TGFBRAP1: variants seen among roughly 807,000 people sequenced by gnomAD.
The protein encoded by TGFBRAP1 is transforming growth factor-beta receptor-associated protein 1.
In TGFBRAP1, 20 loss-of-function variants were observed where a neutral mutation model predicts 83.2. That is an observed-to-expected ratio of 0.24 (90% CI 0.17 to 0.35). The LOEUF is 0.35. Among genes scored for constraint, TGFBRAP1 ranks in the 10% least tolerant of loss-of-function variants. The pLI, the probability that TGFBRAP1 is intolerant of heterozygous loss-of-function variation, is 1.00. For missense variants in TGFBRAP1, 950 were observed against 1,099.4 expected (o/e 0.86, Z 1.92); for synonymous variants, 415 against 459.8 (o/e 0.90, Z 1.25).
chr2:105,280,345 C>T lies in TGFBRAP1; in HGVS notation c.1463+37G>A, dbSNP rs185174474. 29 of 1,588,140 alleles carry T rather than the reference C, an allele frequency of 1.8e-5. No homozygotes were observed. The Admixed American group carries it at 3.7e-4, about 20-fold the overall frequency. On this transcript the variant is annotated intron_variant, in intron 6 of 11. Transcript: ENST00000393359. ...AAAGAGCCTCAGTAAGGGTGCAGGG[C>T]GGGAAGCCCTGATCATATCAGGAAG...
intron 1 of TGFBRAP1, among the ~76,000 whole-genome samples, chr2:105,316,464 C>A (rs7566467): frequency 1.2e-5 from 1 of 81,798 alleles, no homozygotes; most frequent in Non-Finnish European, 2.5e-5. Flanking sequence ...TGTGTGTGTG[C>A]GCGCGCGCGC....
intron 1 of TGFBRAP1, among the ~76,000 whole-genome samples, chr2:105,321,141 T>C (rs1224476767): frequency 3.3e-5 from 5 of 152,238 alleles, no homozygotes; most frequent in African/African-American, 9.6e-5. Context: ...AGTTTTTGTA[T>C]AAATACAATG....
At position 105,293,112 on chromosome 2, in the gene TGFBRAP1, C is replaced by T. The variant is rs2104363541; in HGVS notation, c.1038+3244G>A. 1.3e-5 allele frequency among the ~76,000 whole-genome samples: 2 copies of T among 152,102 alleles called. 1 individual carries two copies. The highest frequency in any genetic ancestry group is 4.2e-4 in the South Asian group (2 of 4,818). Reference sequence around the variant, plus strand: ...ATATGGGGGAATGACGACAATGGTACTGCGGTTACATTTCAAAGGGGGCAT... The same window carrying T: ...ATATGGGGGAATGACGACAATGGTATTGCGGTTACATTTCAAAGGGGGCAT... On this transcript the variant is annotated intron_variant, in intron 4 of 11. Coordinates refer to ENST00000393359, the MANE Select transcript of TGFBRAP1 (RefSeq NM_004257.6).
chr2:105,275,435 A>G lies in TGFBRAP1; in HGVS notation c.1665+125T>C. 2.8e-6 allele frequency: 4 copies of G among 1,438,440 alleles called. No homozygotes were observed. The South Asian group carries it at 4.5e-5, about 16-fold the overall frequency. The allele number at this position is 1,438,440 out of a possible 1,614,324, so 89.1% of individuals were successfully genotyped here. The stretch of plus-strand genomic sequence containing the variant: ...AGGTATTAAAAGGGGAATAATAACA[A>G]CAACAAAAAACAGAGGAGGAGGTTG... On this transcript the variant is annotated intron_variant, in intron 8 of 11. Transcript: ENST00000393359.
chr2:105,302,012 A>T, intron 2 of TGFBRAP1, among the ~76,000 whole-genome samples: 1 of 147,490 alleles, frequency 6.8e-6, no homozygotes, highest in South Asian at 2.1e-4. Context: ...AGAATACTAA[A>T]AAAAAAAAAA....
chr2:105,314,249 C>CT (rs1198445714), intron 1 of TGFBRAP1, among the ~76,000 whole-genome samples: 2,950 of 118,620 alleles, frequency 0.025, 134 homozygotes, highest in African/African-American at 0.075. Context: ...AGTACTTTCT[C>CT]TTTTTTTTTT....
intron 7 of TGFBRAP1, among the ~76,000 whole-genome samples, chr2:105,277,142 C>T (rs1452709741): frequency 6.6e-6 from 1 of 152,154 alleles, no homozygotes; most frequent in Admixed American, 6.5e-5. Flanking sequence ...CGGTTCAGAT[C>T]CCAGATCTAC....
Position 105,269,169 on chromosome 2 carries a change from C to G in TGFBRAP1, c.2406+103G>C, listed in dbSNP as rs1304369903. On this transcript the variant is annotated intron_variant, in intron 11 of 11. Transcript: ENST00000393359. This position sits in a 1 kb window ranked among gnomAD's most constrained non-coding sequence, Gnocchi z 4.1. ...TATTGATGTGTTGTAGTCATAGAGA[C>G]AGAAAAAAGAAAAACCAACAAAGAC... 2.9e-6 allele frequency: 4 copies of G among 1,377,016 alleles called. No individual in the cohort carries two copies. Among genetic ancestry groups the G allele is most frequent in the Non-Finnish European group, 2.9e-6 (3 of 1,040,072 alleles). 85.3% of individuals were successfully genotyped at this position (1,377,016 alleles called of 1,614,324 possible). A position where few individuals can be genotyped will look rare whatever the true frequency, so the allele number is the denominator to read the frequency against.
intron 7 of TGFBRAP1, 115 bp from the exon 8 acceptor site, chr2:105,275,818 C>A: frequency 9.1e-7 from 1 of 1,095,080 alleles, no homozygotes; most frequent in Middle Eastern, 2.3e-4. Context: ...CTTTTTAATA[C>A]CTTTTAAAGT....
At chr2:105,307,044 T>C (rs1308466793) in intron 2 of TGFBRAP1, among the ~76,000 whole-genome samples, 3 of 151,706 alleles carry the variant, frequency 2.0e-5, no homozygotes, top group Non-Finnish European at 4.4e-5. Flanking sequence ...AGAAATTAGG[T>C]GGGAGGAAAA....
chr2:105,266,243 G>C lies in TGFBRAP1; in HGVS notation c.*1140C>G, dbSNP rs1676928428. The C allele has an allele frequency of 1.3e-5, 2 of 152,284 alleles. No homozygotes were observed. The highest frequency in any genetic ancestry group is 2.1e-4 in the South Asian group (1 of 4,818). 9.4% of individuals were successfully genotyped at this position (152,284 alleles called of 1,614,324 possible). A position where few individuals can be genotyped will look rare whatever the true frequency, so the allele number is the denominator to read the frequency against. On this transcript the variant is annotated 3_prime_UTR_variant, in exon 12 of 12. Transcript: ENST00000393359. ...TGACACAGCCTGTCTGGATGTCCTC[G>C]GGAGGGTGTGCCATCCAGGAGGCGA...
intron 1 of TGFBRAP1, among the ~76,000 whole-genome samples, chr2:105,309,579 T>C (rs1415795541): frequency 6.6e-6 from 1 of 152,098 alleles, no homozygotes; most frequent in Non-Finnish European, 1.5e-5. Context: ...AATTCTACAA[T>C]TTTGTGTCTG....
chr2:105,260,117 G>A (rs141575037), downstream of TGFBRAP1, among the ~76,000 whole-genome samples: 1,039 of 152,310 alleles, frequency 6.8e-3, 20 homozygotes, highest in African/African-American at 0.024. Context: ...TAAAAAGGAA[G>A]AAAATTCATG....
intron 4 of TGFBRAP1, among the ~76,000 whole-genome samples, chr2:105,286,558 A>G (rs1204917589): frequency 6.6e-6 from 1 of 152,206 alleles, no homozygotes; most frequent in East Asian, 1.9e-4. Context: ...TGGATGCTCC[A>G]AGTTTCTTTT....
intron 1 of TGFBRAP1, among the ~76,000 whole-genome samples, chr2:105,312,129 T>C (rs1223554617): frequency 6.6e-6 from 1 of 152,102 alleles, no homozygotes. Context: ...GGTGTAAAAT[T>C]CATACTTTAC....
chr2:105,305,701 G>A (rs1285239002), intron 2 of TGFBRAP1, among the ~76,000 whole-genome samples: 4 of 152,164 alleles, frequency 2.6e-5, no homozygotes, highest in African/African-American at 9.7e-5. Flanking sequence ...GTCTCACTCT[G>A]TCACCCAGGC....
intron 6 of TGFBRAP1, among the ~76,000 whole-genome samples, chr2:105,278,000 A>T (rs1677405759): frequency 1.3e-5 from 2 of 152,144 alleles, no homozygotes. Context: ...TTAAGACTGC[A>T]GTGAGCCCTG....
chr2:105,303,007 G>A (rs1326714165), intron 2 of TGFBRAP1, among the ~76,000 whole-genome samples: 1 of 152,154 alleles, frequency 6.6e-6, no homozygotes, highest in Non-Finnish European at 1.5e-5. Context: ...ATGTACTGTG[G>A]GATAAATCAA....
chr2:105,250,358 C>A, the TGFBRAP1 span, among the ~76,000 whole-genome samples: 1 of 152,170 alleles, frequency 6.6e-6, no homozygotes, highest in African/African-American at 2.4e-5. Flanking sequence ...GTTCCATCTC[C>A]GTTCTCTCTG....
Sources: gnomAD v4.1 joint callset for allele counts (sites outside exome capture counted in the v4.1 genomes callset) on GRCh38, gnomAD v4.1.1 for gene constraint, Gnocchi (gnomAD v3.1) non-coding constraint, MANE v1.5 for transcripts, NCBI Gene and HGNC (gene_info 2026-07-23, HGNC 2026-07-21) for gene names.